FANCL: variants seen among roughly 807,000 people sequenced by gnomAD.
FANCL encodes the protein E3 ubiquitin-protein ligase FANCL.
A neutral mutation model predicts 59.4 loss-of-function variants in FANCL; 69 were observed. The observed-to-expected ratio is 1.16, with a 90% CI of 0.96 to 1.42. The LOEUF (loss-of-function observed/expected upper bound fraction) is 1.42, where lower values mean the gene tolerates loss of function less well. Among genes scored for constraint, FANCL ranks in the 40% most tolerant of loss-of-function variants. The pLI is 0.00. For missense variants in FANCL, 519 were observed against 447.2 expected, an observed-to-expected ratio of 1.16 and a Z score of -1.45; for synonymous variants, 180 against 147.1, an observed-to-expected ratio of 1.22 and a Z score of -1.62.
At chr2:58,178,388 C>A (rs192951077) in intron 7 of FANCL, among the ~76,000 whole-genome samples, 1 of 152,212 alleles carries the variant, frequency 6.6e-6, no homozygotes, top group Non-Finnish European at 1.5e-5. Context: ...CTACCACGAT[C>A]AAGTTGGTTT....
At chr2:58,202,192 T>C (rs1017992372) in intron 6 of FANCL, among the ~76,000 whole-genome samples, 15 of 148,794 alleles carry the variant, frequency 1.0e-4, no homozygotes, top group African/African-American at 1.2e-4. Context: ...AAGTAAAAGT[T>C]TGACAATTAG....
At chr2:58,231,271 T>C (rs1173565358) in intron 2 of FANCL, among the ~76,000 whole-genome samples, 1 of 152,154 alleles carries the variant, frequency 6.6e-6, no homozygotes, top group Admixed American at 6.6e-5. Flanking sequence ...CCTTCATCTG[T>C]TGTAACTTCC....
At chr2:58,203,617 T>TA (rs1402078949) in intron 6 of FANCL, among the ~76,000 whole-genome samples, 1 of 152,040 alleles carries the variant, frequency 6.6e-6, no homozygotes, top group Non-Finnish European at 1.5e-5. Flanking sequence ...GATCTATAAA[T>TA]AGAGGCATAA....
intron 7 of FANCL, among the ~76,000 whole-genome samples, chr2:58,182,957 A>G (rs1429095983): frequency 6.6e-6 from 1 of 151,838 alleles, no homozygotes; most frequent in Non-Finnish European, 1.5e-5. Flanking sequence ...AGCATTTGTA[A>G]TACGGAAATA....
In FANCL at chr2:58,165,740, T is replaced by C. The variant is rs1685870823; in HGVS notation, c.675A>G (p.Ala225=). 1 of 1,614,136 alleles carries C rather than the reference T, an allele frequency of 6.2e-7. No individual in the cohort carries two copies. The highest frequency in any genetic ancestry group is 8.5e-7 in the Non-Finnish European group (1 of 1,179,982). The change falls in exon 8 of 14, where the codon GCA becomes GCG. Residue 225 remains alanine (A), a synonymous_variant. Coordinates refer to ENST00000233741, the MANE Select transcript of FANCL (RefSeq NM_018062.4). ...TGTCCCTACCTAATGCAATTCTGCG[T>C]GCTGTTGCACTCCGTGGAGGTTTTT... ...EPEKPPRSAT[A]RRIALGNNVS...
At chr2:58,188,896 A>C (rs1056068285) in intron 7 of FANCL, among the ~76,000 whole-genome samples, 12 of 152,200 alleles carry the variant, frequency 7.9e-5, no homozygotes, top group African/African-American at 2.9e-4. Context: ...GTGAATGGCC[A>C]ATATGTGGCA....
At chr2:58,205,480 CAT>C (rs1238871620) in intron 5 of FANCL, among the ~76,000 whole-genome samples, 1 of 151,944 alleles carries the variant, frequency 6.6e-6, no homozygotes, top group African/African-American at 2.4e-5. Flanking sequence ...CACGTTTTAC[CAT>C]ATGACTCTGA....
chr2:58,222,173 G>C lies in FANCL; in HGVS notation c.274-131C>G, dbSNP rs1643892819. 4 of 650,538 alleles carry C rather than the reference G, an allele frequency of 6.1e-6. No individual in the cohort carries two copies. The Admixed American group carries it at 8.9e-5, about 15-fold the overall frequency. The allele number at this position is 650,538 out of a possible 1,614,324, so 40.3% of individuals were successfully genotyped here. ...AGTGCCTGTTTTTTTACGGAAATCTGGCTGACTCATTCCCCTGCTCATGAA... is the reference window on the plus strand; with the variant it reads ...AGTGCCTGTTTTTTTACGGAAATCTCGCTGACTCATTCCCCTGCTCATGAA... On this transcript the variant is annotated intron_variant, in intron 4 of 13. Transcript: ENST00000233741.
chr2:58,169,475 C>G (rs1046541627), intron 7 of FANCL, among the ~76,000 whole-genome samples: 1 of 152,040 alleles, frequency 6.6e-6, no homozygotes, highest in East Asian at 1.9e-4. Context: ...GAGGAAAATT[C>G]CAAAAACCAG....
chr2:58,175,314 G>A lies in FANCL; in HGVS notation c.541-9440C>T, dbSNP rs558508469. Among the ~76,000 whole-genome samples, 41 of 148,252 alleles carry A rather than the reference G, an allele frequency of 2.8e-4. 1 individual carries two copies. Among genetic ancestry groups the A allele is most frequent in the East Asian group, 5.9e-4 (3 of 5,124 alleles). The stretch of plus-strand genomic sequence containing the variant: ...CCAGCATCATTCTGATACCAAAGCC[G>A]GGCAGAGACACAACCAAAAAAGAGA... On this transcript the variant is annotated intron_variant, in intron 7 of 13. Transcript: ENST00000233741.
intron 5 of FANCL, among the ~76,000 whole-genome samples, chr2:58,211,472 G>A (rs1205980342): frequency 6.6e-6 from 1 of 152,170 alleles, no homozygotes; most frequent in Non-Finnish European, 1.5e-5. Flanking sequence ...GGCATGCCCT[G>A]GAGACATTTT....
intron 5 of FANCL, among the ~76,000 whole-genome samples, chr2:58,217,129 AT>A (rs1190465871): frequency 2.6e-5 from 3 of 113,226 alleles, no homozygotes; most frequent in Admixed American, 1.1e-4. Flanking sequence ...ATATATATAT[AT>A]TTTTATATAT....
chr2:58,209,512 T>C (rs1451927904), intron 5 of FANCL, among the ~76,000 whole-genome samples: 2 of 152,104 alleles, frequency 1.3e-5, no homozygotes, highest in African/African-American at 4.8e-5. Flanking sequence ...GCTATTATGT[T>C]TTACAAAAAA....
At chr2:58,206,431 G>T (rs1160514370) in intron 5 of FANCL, among the ~76,000 whole-genome samples, 2 of 152,050 alleles carry the variant, frequency 1.3e-5, no homozygotes, top group African/African-American at 4.8e-5. Flanking sequence ...TTCTTTATAA[G>T]CCTTAAATAG....
intron 6 of FANCL, among the ~76,000 whole-genome samples, chr2:58,199,534 T>G (rs1389886894): frequency 6.6e-6 from 1 of 152,050 alleles, no homozygotes; most frequent in Non-Finnish European, 1.5e-5. Flanking sequence ...AATAAAACAG[T>G]TTTTAGCAAG....
intron 7 of FANCL, among the ~76,000 whole-genome samples, chr2:58,192,074 C>G (rs955480111): frequency 1.3e-5 from 2 of 151,918 alleles, no homozygotes; most frequent in Middle Eastern, 3.4e-3. Context: ...ATAGTAAAGT[C>G]ATATTTATTA....
chr2:58,225,521 G>T (rs1692916454), intron 4 of FANCL, among the ~76,000 whole-genome samples: 1 of 151,932 alleles, frequency 6.6e-6, no homozygotes. Flanking sequence ...AGTCTGATGG[G>T]AAACTTTATA....
At chr2:58,209,883 A>G (rs1412369161) in intron 5 of FANCL, among the ~76,000 whole-genome samples, 1 of 152,174 alleles carries the variant, frequency 6.6e-6, no homozygotes, top group Admixed American at 6.6e-5. Context: ...AAATATCACC[A>G]TTAATCAGCT....
intron 6 of FANCL, among the ~76,000 whole-genome samples, chr2:58,199,985 T>C (rs553328060): frequency 6.6e-6 from 1 of 151,950 alleles, no homozygotes; most frequent in African/African-American, 2.4e-5. Flanking sequence ...ATAAGTTGGC[T>C]AAAAAGATTT....
Sources: gnomAD v4.1 joint callset for allele counts (sites outside exome capture counted in the v4.1 genomes callset) on GRCh38, gnomAD v4.1.1 for gene constraint, MANE v1.5 for transcripts, NCBI Gene and HGNC (gene_info 2026-07-23, HGNC 2026-07-21) for gene names.